The following NEK11 variants were observed in gnomAD, a reference collection of about 807,000 sequenced individuals.
NEK11 encodes NIMA related kinase 11.
A neutral mutation model predicts 80.7 loss-of-function variants in NEK11; 72 were observed. The observed-to-expected ratio is 0.89, with a 90% CI of 0.74 to 1.08. The LOEUF is 1.08. Ranked by LOEUF, NEK11 falls within the 50% of genes least tolerant of loss-of-function variation. NEK11 has a pLI of 0.00. For synonymous variants in NEK11, 251 were observed against 260.7 expected, an observed-to-expected ratio of 0.96 and a Z score of 0.36; for missense variants, 764 against 763.6, an observed-to-expected ratio of 1.00 and a Z score of -0.01.
At chr3:131,153,524 A>G (rs2090073969) in intron 9 of NEK11, among the ~76,000 whole-genome samples, 2 of 152,018 alleles carry the variant, frequency 1.3e-5, no homozygotes, top group South Asian at 4.1e-4. Context: ...AAAACTTCTC[A>G]GGGTTTTACA....
intron 3 of NEK11, among the ~76,000 whole-genome samples, chr3:131,071,679 G>A (rs978309440): frequency 2.6e-5 from 4 of 151,934 alleles, no homozygotes; most frequent in African/African-American, 9.7e-5. Flanking sequence ...GTTTTGAAAT[G>A]TACTAATAAC....
chr3:131,196,184 G>A (rs2094002564), intron 14 of NEK11, among the ~76,000 whole-genome samples: 2 of 152,024 alleles, frequency 1.3e-5, no homozygotes, highest in South Asian at 4.1e-4. Flanking sequence ...GCAATGATAA[G>A]CAGATCAATG....
At chr3:131,170,222 C>A (rs2092591984) in intron 13 of NEK11, among the ~76,000 whole-genome samples, 1 of 152,138 alleles carries the variant, frequency 6.6e-6, no homozygotes, top group Admixed American at 6.6e-5. Context: ...AAAATGATTT[C>A]TTGAAATACC....
intron 14 of NEK11, among the ~76,000 whole-genome samples, chr3:131,221,331 A>G (rs995434102): frequency 3.2e-4 from 48 of 152,332 alleles, no homozygotes; most frequent in African/African-American, 1.1e-3. Context: ...AGGGTGCATC[A>G]GGATCACCTG....
intron 17 of NEK11, among the ~76,000 whole-genome samples, chr3:131,340,742 G>A (rs2097271406): frequency 2.0e-5 from 3 of 152,122 alleles, no homozygotes; most frequent in Admixed American, 2.0e-4. Flanking sequence ...GCACTGTCCT[G>A]AGAGTCCTGA....
chr3:131,170,395 G>A (rs2092605401), intron 13 of NEK11, among the ~76,000 whole-genome samples: 1 of 152,202 alleles, frequency 6.6e-6, no homozygotes, highest in Non-Finnish European at 1.5e-5. Flanking sequence ...TTAATTTTGA[G>A]ATGCAGAAAC....
chr3:131,195,528 T>C (rs1233099033), intron 14 of NEK11, among the ~76,000 whole-genome samples: 1 of 152,068 alleles, frequency 6.6e-6, no homozygotes, highest in African/African-American at 2.4e-5. Flanking sequence ...TTAAAGGTCC[T>C]ATTTGCAGAG....
At chr3:131,251,627 CT>C (rs1445253327) in intron 16 of NEK11, among the ~76,000 whole-genome samples, 1 of 152,080 alleles carries the variant, frequency 6.6e-6, no homozygotes, top group African/African-American at 2.4e-5. Context: ...CTTTACTCTG[CT>C]TATGTCCTGG....
At chr3:131,241,339 AAAT>A (rs2095516156) in intron 15 of NEK11, among the ~76,000 whole-genome samples, 1 of 152,186 alleles carries the variant, frequency 6.6e-6, no homozygotes, top group Non-Finnish European at 1.5e-5. Flanking sequence ...CTTTAAAACA[AAAT>A]AAAATGAAAG....
intron 17 of NEK11, among the ~76,000 whole-genome samples, chr3:131,337,471 G>T (rs979983972): frequency 1.1e-4 from 17 of 151,742 alleles, no homozygotes; most frequent in African/African-American, 3.4e-4. Flanking sequence ...GTTGTGGGGT[G>T]GGGGGAGTGG....
chr3:131,127,970 T>C (rs1431651456), intron 5 of NEK11, among the ~76,000 whole-genome samples: 1 of 152,206 alleles, frequency 6.6e-6, no homozygotes, highest in African/African-American at 2.4e-5. Context: ...GTTTATTGAA[T>C]CTACTCAAAG....
At chr3:131,282,181 A>T (rs1171851595) in intron 17 of NEK11, among the ~76,000 whole-genome samples, 1 of 152,072 alleles carries the variant, frequency 6.6e-6, no homozygotes, top group Non-Finnish European at 1.5e-5. Flanking sequence ...TGGTGTTCTA[A>T]ATCTCTAATA....
At position 131,034,430 on chromosome 3, in the gene NEK11, C is replaced by G. The variant is rs565142772; in HGVS notation, c.170+4552C>G. On this transcript the variant is annotated intron_variant, in intron 3 of 17. Coordinates refer to ENST00000383366, the MANE Select transcript of NEK11 (RefSeq NM_024800.5). ...ATTTTTTTTTTTTGAGTCGGAGTCT[C>G]GATTTGTCACCCAGGCTGGAGTGCA... Among the ~76,000 whole-genome samples the G allele has an allele frequency of 1.3e-4, 19 of 151,760 alleles. No individual in the cohort carries two copies. The East Asian group carries it at 3.5e-3, about 28-fold the overall frequency.
intron 17 of NEK11, among the ~76,000 whole-genome samples, chr3:131,306,240 A>G (rs1410199317): frequency 6.6e-6 from 1 of 152,124 alleles, no homozygotes; most frequent in African/African-American, 2.4e-5. Flanking sequence ...TTGTCTCTTC[A>G]AAGTGTGTTT....
chr3:131,338,127 C>T (rs534758995), intron 17 of NEK11, among the ~76,000 whole-genome samples: 4 of 152,040 alleles, frequency 2.6e-5, no homozygotes, highest in East Asian at 1.9e-4. Context: ...CCGCCATGCC[C>T]GGCTTATTTT....
In NEK11 at chr3:131,243,463, T is replaced by C; in HGVS notation, c.1588T>C (p.Cys530Arg). ...CAGTGATATCGAAGCGTTGGCCAGG[T>C]GTTTGGAAAATGTCCTGGGTTGCAC... Reference protein sequence around the residue: ...QDSDIEALARCLENVLGCTSL... With the variant: ...QDSDIEALARRLENVLGCTSL... Residue 530 changes from cysteine (C) to arginine (R), a missense_variant, in exon 16 of 18, where the codon TGT becomes CGT. Transcript: ENST00000383366. 1 of 1,612,930 alleles carries C rather than the reference T, an allele frequency of 6.2e-7. No individual in the cohort carries two copies. The highest frequency in any genetic ancestry group is 8.5e-7 in the Non-Finnish European group (1 of 1,179,346).
chr3:131,228,635 G>GTTATTAAAATTAT lies in NEK11; in HGVS notation c.1507_1508insTTATTAAAATTAT (p.Glu503ValfsTer11). 1 of 1,613,724 alleles carries GTTATTAAAATTAT rather than the reference G, an allele frequency of 6.2e-7. No individual in the cohort carries two copies. The highest frequency in any genetic ancestry group is 1.7e-5 in the Admixed American group (1 of 60,002). Reference sequence around the variant, plus strand: ...AGAAGAAATAGCGTTAGAAAGACCAGAGAAAGAAATCAGGAATGAGGGATC... The same window carrying GTTATTAAAATTAT: ...AGAAGAAATAGCGTTAGAAAGACCAGTTATTAAAATTATAGAAAGAAATCAGGAATGAGGGATC... On this transcript the variant is annotated frameshift_variant, in exon 15 of 18. Transcript: ENST00000383366. LOFTEE classifies it high-confidence loss of function.
intron 3 of NEK11, among the ~76,000 whole-genome samples, chr3:131,033,612 T>C (rs774638849): frequency 1.1e-4 from 16 of 152,236 alleles, no homozygotes; most frequent in Non-Finnish European, 2.1e-4. Context: ...CAGCTGTATG[T>C]ACATAGTACT....
intron 14 of NEK11, among the ~76,000 whole-genome samples, chr3:131,208,949 C>G (rs943389424): frequency 1.1e-4 from 17 of 152,052 alleles, no homozygotes; most frequent in Admixed American, 2.6e-4. Flanking sequence ...AATTGAATAC[C>G]CTTTATTTCT....
Sources: gnomAD v4.1 joint callset for allele counts (sites outside exome capture counted in the v4.1 genomes callset) on GRCh38, gnomAD v4.1.1 for gene constraint, MANE v1.5 for transcripts, NCBI Gene and HGNC (gene_info 2026-07-23, HGNC 2026-07-21) for gene names.